The following SPAG16 variants were observed in gnomAD, a reference collection of about 807,000 sequenced individuals.
The protein encoded by SPAG16 is sperm associated antigen 16.
In SPAG16, 86 loss-of-function variants were observed where a neutral mutation model predicts 80.4. The observed-to-expected ratio is 1.07, with a 90% CI of 0.90 to 1.28. The LOEUF (loss-of-function observed/expected upper bound fraction) is 1.28. Ranked by LOEUF, SPAG16 falls within the 50% of genes most tolerant of loss-of-function variation. The pLI is 0.00. For synonymous variants in SPAG16, 294 were observed against 265.9 expected (o/e 1.11, Z -1.03); for missense variants, 870 against 765.3 (o/e 1.14, Z -1.61).
intron 13 of SPAG16, among the ~76,000 whole-genome samples, chr2:214,092,655 T>C (rs1396166103): frequency 1.3e-5 from 2 of 152,112 alleles, no homozygotes; most frequent in Non-Finnish European, 2.9e-5. Context: ...AACTTATTCA[T>C]ATTTTATACT....
Position 213,284,606 on chromosome 2 carries a change from C to T in SPAG16, c.123C>T (p.Ala41=). ...DTADAVAAEG[A]YYLEQVTITE... is the part of the protein sequence containing the mutation. Reference sequence around the variant, plus strand: ...CGGACGCGGTGGCGGCTGAGGGCGCCTACTACCTGGAACGTATCCTTCCCG... The same window carrying T: ...CGGACGCGGTGGCGGCTGAGGGCGCTTACTACCTGGAACGTATCCTTCCCG... Residue 41 remains alanine (A), a synonymous_variant, in exon 1 of 16, where the codon GCC becomes GCT. Coordinates refer to ENST00000331683, the MANE Select transcript of SPAG16 (RefSeq NM_024532.5). 6 of 1,609,786 alleles carry T rather than the reference C, an allele frequency of 3.7e-6. No homozygotes were observed. Among genetic ancestry groups the T allele is most frequent in the Non-Finnish European group, 5.1e-6 (6 of 1,178,888 alleles).
chr2:213,984,462 G>A (rs1050881886), intron 12 of SPAG16, among the ~76,000 whole-genome samples: 3 of 151,994 alleles, frequency 2.0e-5, no homozygotes, highest in African/African-American at 7.2e-5. Flanking sequence ...AACTCTCCAG[G>A]ACCACATTTT....
At chr2:214,393,110 A>T (rs1701182692) in intron 15 of SPAG16, among the ~76,000 whole-genome samples, 1 of 152,214 alleles carries the variant, frequency 6.6e-6, no homozygotes, top group Non-Finnish European at 1.5e-5. Flanking sequence ...AAACCATGTC[A>T]TATATTTTCT....
intron 15 of SPAG16, among the ~76,000 whole-genome samples, chr2:214,325,818 G>T (rs1696436216): frequency 2.0e-5 from 3 of 151,862 alleles, no homozygotes; most frequent in Admixed American, 2.0e-4. Context: ...GAGATAAAAA[G>T]CAGAAAAGGA....
At chr2:214,108,479 ACCCC>A (rs1553719294) in intron 14 of SPAG16, among the ~76,000 whole-genome samples, 6 of 52,342 alleles carry the variant, frequency 1.1e-4, no homozygotes, top group South Asian at 4.3e-4. Flanking sequence ...ACACACACAC[ACCCC>A]CACACACACC....
At chr2:213,290,070 A>G (rs1559374755) in intron 1 of SPAG16, among the ~76,000 whole-genome samples, 1 of 152,186 alleles carries the variant, frequency 6.6e-6, no homozygotes, top group Non-Finnish European at 1.5e-5. Flanking sequence ...TCTCTGTAGT[A>G]CTGTGATGGG....
intron 15 of SPAG16, among the ~76,000 whole-genome samples, chr2:214,402,163 G>T (rs912054521): frequency 7.2e-5 from 11 of 151,952 alleles, no homozygotes; most frequent in Non-Finnish European, 1.3e-4. Context: ...AAATATTTCT[G>T]TCAACATTAT....
At chr2:213,285,720 C>T (rs986304583) in intron 1 of SPAG16, among the ~76,000 whole-genome samples, 30 of 152,172 alleles carry the variant, frequency 2.0e-4, no homozygotes, top group African/African-American at 7.2e-4. Flanking sequence ...GGTGCAAAAA[C>T]GACTTTTACA....
At chr2:213,644,478 A>T (rs1356807347) in intron 10 of SPAG16, among the ~76,000 whole-genome samples, 3 of 152,180 alleles carry the variant, frequency 2.0e-5, no homozygotes, top group Non-Finnish European at 4.4e-5. Context: ...GCTTAGTTGT[A>T]GACATCCTTC....
intron 11 of SPAG16, among the ~76,000 whole-genome samples, chr2:213,871,869 CACACACACACAG>C (rs1432290668): frequency 9.3e-5 from 10 of 108,058 alleles, no homozygotes; most frequent in African/African-American, 1.9e-4. Context: ...CACACACACA[CACACACACACAG>C]AGAGAGAGAG....
At chr2:213,598,889 ACT>A (rs2060967759) in intron 10 of SPAG16, among the ~76,000 whole-genome samples, 1 of 152,106 alleles carries the variant, frequency 6.6e-6, no homozygotes, top group Admixed American at 6.6e-5. Context: ...GGGAAAACAA[ACT>A]CTGTGGACAA....
intron 10 of SPAG16, among the ~76,000 whole-genome samples, chr2:213,530,037 T>TA (rs1384367768): frequency 1.3e-5 from 2 of 152,190 alleles, no homozygotes; most frequent in Admixed American, 1.3e-4. Context: ...TCTTCAGAGA[T>TA]AATAACAAGG....
chr2:213,344,877 A>G (rs1360113671), intron 6 of SPAG16, among the ~76,000 whole-genome samples: 1 of 152,146 alleles, frequency 6.6e-6, no homozygotes, highest in Non-Finnish European at 1.5e-5. Context: ...ATGATTTATA[A>G]TCCTTTGGGT....
At chr2:214,382,334 T>C (rs898234450) in intron 15 of SPAG16, among the ~76,000 whole-genome samples, 1 of 152,222 alleles carries the variant, frequency 6.6e-6, no homozygotes, top group African/African-American at 2.4e-5. Context: ...AACTTCACTG[T>C]GAAGAAATGC....
chr2:214,240,909 C>A (rs954188438), intron 15 of SPAG16: 2 of 151,978 alleles, frequency 1.3e-5, no homozygotes, highest in African/African-American at 2.4e-5. Context: ...ATTTGGCAAC[C>A]TTTACCTTCC....
At chr2:214,353,189 TG>T (rs1698539328) in intron 15 of SPAG16, among the ~76,000 whole-genome samples, 2 of 151,928 alleles carry the variant, frequency 1.3e-5, no homozygotes, top group Admixed American at 1.3e-4. Context: ...GTGGAAAAAA[TG>T]CAGTCAAGAA....
chr2:214,262,659 G>A (rs189384643), intron 15 of SPAG16, among the ~76,000 whole-genome samples: 88 of 151,842 alleles, frequency 5.8e-4, no homozygotes, highest in Admixed American at 2.0e-3. Context: ...CTTCATCTCC[G>A]TATCTATAAA....
chr2:213,761,432 T>C (rs903392675), intron 10 of SPAG16, among the ~76,000 whole-genome samples: 4 of 151,968 alleles, frequency 2.6e-5, no homozygotes, highest in African/African-American at 7.3e-5. Context: ...AGATAGTGAA[T>C]AGAAAAACAA....
intron 6 of SPAG16, among the ~76,000 whole-genome samples, chr2:213,349,793 A>G (rs2065222280): frequency 6.6e-6 from 1 of 152,200 alleles, no homozygotes; most frequent in Admixed American, 6.5e-5. Flanking sequence ...GAAATAAACT[A>G]GTTAAAAAAG....
Sources: gnomAD v4.1 joint callset for allele counts (sites outside exome capture counted in the v4.1 genomes callset) on GRCh38, gnomAD v4.1.1 for gene constraint, MANE v1.5 for transcripts, NCBI Gene and HGNC (gene_info 2026-07-23, HGNC 2026-07-21) for gene names.